MYO5C: variants seen among roughly 807,000 people sequenced by gnomAD.
MYO5C encodes myosin VC.
A neutral mutation model predicts 235.7 loss-of-function variants in MYO5C; 194 were observed. That is an observed-to-expected ratio of 0.82 (90% CI 0.73 to 0.93). The LOEUF (loss-of-function observed/expected upper bound fraction) is 0.93. Ranked by LOEUF, MYO5C falls within the 40% of genes least tolerant of loss-of-function variation. The pLI is 0.00. For missense variants in MYO5C, 2,038 were observed against 2,127.2 expected, an observed-to-expected ratio of 0.96 and a Z score of 0.82; for synonymous variants, 707 against 754.8, an observed-to-expected ratio of 0.94 and a Z score of 1.04.
chr15:52,202,665 A>G (rs1295350126), intron 38 of MYO5C, among the ~76,000 whole-genome samples: 3 of 152,154 alleles, frequency 2.0e-5, no homozygotes, highest in Non-Finnish European at 2.9e-5. Context: ...AACATAACTC[A>G]TTTCTCAATG....
intron 2 of MYO5C, among the ~76,000 whole-genome samples, 181 bp from the exon 3 acceptor site, chr15:52,279,855 G>A (rs1161401716): frequency 6.6e-6 from 1 of 152,168 alleles, no homozygotes. Context: ...AAAAGTAGGA[G>A]CAGGGGACTA....
chr15:52,244,250 T>C, intron 19 of MYO5C, 106 bp downstream of exon 19: 1 of 1,127,938 alleles, frequency 8.9e-7, no homozygotes, highest in East Asian at 2.4e-5. Context: ...GTCTGCACCC[T>C]GGGTCACAGG....
At chr15:52,211,959 A>C in intron 34 of MYO5C, 75 bp from the exon 35 acceptor site, 2 of 1,502,924 alleles carry the variant, frequency 1.3e-6, no homozygotes, top group South Asian at 1.3e-5. Flanking sequence ...GACTAGGGGC[A>C]GGGGCTTGTT....
intron 8 of MYO5C, among the ~76,000 whole-genome samples, chr15:52,264,846 C>T (rs1409387161): frequency 4.6e-5 from 7 of 152,152 alleles, no homozygotes; most frequent in East Asian, 1.9e-4. Flanking sequence ...GTTCCGAGTG[C>T]GTCCTCCCCA....
chr15:52,205,881 T>A lies in MYO5C; in HGVS notation c.4472A>T (p.Asp1491Val). The part of the protein sequence containing the change: ...DLSEYRQILS[D>V]VAIRIYHQFI... ...TTGATGATATATTCGTATAGCCACA[T>A]CACTGAGAATCTGTCTGTATTCTGA... Residue 1491 changes from aspartate (D) to valine (V), a missense_variant, in exon 37 of 41, where the codon GAT becomes GTT. Transcript: ENST00000261839. 1 of 1,595,660 alleles carries A rather than the reference T, an allele frequency of 6.3e-7. No homozygotes were observed. Among genetic ancestry groups the A allele is most frequent in the Admixed American group, 1.7e-5 (1 of 59,476 alleles).
chr15:52,275,831 C>T, intron 4 of MYO5C, 113 bp from the exon 5 acceptor site: 1 of 1,026,162 alleles, frequency 9.7e-7, no homozygotes, highest in Non-Finnish European at 1.4e-6. Context: ...TGTCACTCTA[C>T]TATTTTTAAA....
chr15:52,269,655 T>C, intron 8 of MYO5C, 98 bp downstream of exon 8: 1 of 744,118 alleles, frequency 1.3e-6, no homozygotes, highest in Non-Finnish European at 2.3e-6. Context: ...CCTCCCAAAG[T>C]GTTGGGATTA....
rs755779174 is a variant in MYO5C, at chr15:52,213,200, T to C, written c.4129A>G (p.Asn1377Asp). 4 of 1,613,910 alleles carry C rather than the reference T, an allele frequency of 2.5e-6. No homozygotes were observed. In the South Asian group the frequency reaches 3.3e-5, roughly 13 times the overall value. ...CAGGTTTCACTACCAAGAATGAGGT[T>C]CTGAATGAGCTTGGCCTCGTCTTCT... ...KREDEAKLIQNLILDLKPRGV... is the reference protein window; with the variant it reads ...KREDEAKLIQDLILDLKPRGV... Residue 1377 changes from asparagine to aspartate, a missense_variant, in exon 34 of 41, where the codon AAC (asparagine) becomes GAC (aspartate). Transcript: ENST00000261839.
At position 52,275,565 on chromosome 15, in the gene MYO5C, G is replaced by A. The variant is rs201556746; in HGVS notation, c.603C>T (p.Thr201=). 5.6e-6 allele frequency: 9 copies of A among 1,614,162 alleles called. No individual in the cohort carries two copies. In the East Asian group the frequency reaches 8.9e-5, roughly 16 times the overall value. ...TGCCTTCCGCAGTGGTACGCACCTC[G>A]GTGATGGGATTGGATGCCAGGACCT... ...EDKVLASNPI[T]EAVGNAKTTR... Residue 201 remains threonine (T), a synonymous_variant, in exon 5 of 41, where the codon ACC becomes ACT. Coordinates refer to ENST00000261839, the MANE Select transcript of MYO5C (RefSeq NM_018728.4).
intron 1 of MYO5C, among the ~76,000 whole-genome samples, chr15:52,284,900 C>T (rs1192937269): frequency 6.7e-6 from 1 of 149,722 alleles, no homozygotes; most frequent in Non-Finnish European, 1.5e-5. Flanking sequence ...AGTGCAGTGA[C>T]GTGATCACAG....
intron 29 of MYO5C, 127 bp from the exon 30 acceptor site, chr15:52,221,382 C>G (rs766467336): frequency 2.3e-5 from 15 of 643,594 alleles, no homozygotes; most frequent in Non-Finnish European, 3.9e-5. Flanking sequence ...AAAGAGCTAG[C>G]CACGACATTA....
chr15:52,281,633 GCA>G (rs1269479511), intron 2 of MYO5C, among the ~76,000 whole-genome samples: 2 of 152,208 alleles, frequency 1.3e-5, no homozygotes, highest in Non-Finnish European at 2.9e-5. Context: ...CTGGGACGGT[GCA>G]CAGTCATTAC....
chr15:52,232,597 C>A, intron 24 of MYO5C, 25 bp downstream of exon 24: 1 of 1,610,334 alleles, frequency 6.2e-7, no homozygotes, highest in Non-Finnish European at 8.5e-7. Flanking sequence ...AAGAAAGTAG[C>A]TTTAAGGCAA....
In MYO5C at chr15:52,279,009, A is replaced by G; in HGVS notation, c.313T>C (p.Leu105=). The G allele has an allele frequency of 6.2e-7, 1 of 1,612,378 alleles. No homozygotes were observed. The highest frequency in any genetic ancestry group is 8.5e-7 in the Non-Finnish European group (1 of 1,178,810). ...KLIYTYSGII[L]VAMNPYKQLP... ...TGCTTGTAAGGATTCATGGCCACCAAAATGATTCCTGGGGAAAGATGTTAG... is the reference window on the plus strand; with the variant it reads ...TGCTTGTAAGGATTCATGGCCACCAGAATGATTCCTGGGGAAAGATGTTAG... Residue 105 remains leucine, a synonymous_variant, in exon 4 of 41, where the codon TTG becomes CTG. Transcript: ENST00000261839.
chr15:52,282,747 A>T (rs760776912), intron 2 of MYO5C, 35 bp downstream of exon 2: 1 of 1,412,854 alleles, frequency 7.1e-7, no homozygotes, highest in South Asian at 1.1e-5. Flanking sequence ...ACCGCTTTAC[A>T]CATCGACGTA....
chr15:52,256,613 G>A (rs752420629), intron 11 of MYO5C, 26 bp downstream of exon 11: 4 of 1,531,490 alleles, frequency 2.6e-6, no homozygotes, highest in Non-Finnish European at 3.6e-6. Flanking sequence ...CTGAGAACTA[G>A]TCAAGAAGGC....
At chr15:52,292,628 GTCA>G (rs2037416136) in intron 1 of MYO5C, among the ~76,000 whole-genome samples, 2 of 152,228 alleles carry the variant, frequency 1.3e-5, no homozygotes. Context: ...AAAACGTTCA[GTCA>G]TGCACACAGG....
At chr15:52,284,967 A>T (rs1284214577) in intron 1 of MYO5C, among the ~76,000 whole-genome samples, 1 of 151,978 alleles carries the variant, frequency 6.6e-6, no homozygotes, top group Non-Finnish European at 1.5e-5. Flanking sequence ...AGCCTCCCAA[A>T]GTGCTAAGAT....
intron 29 of MYO5C, 31 bp from the exon 30 acceptor site, chr15:52,221,286 T>C (rs1248250339): frequency 6.9e-7 from 1 of 1,457,218 alleles, no homozygotes; most frequent in East Asian, 2.4e-5. Flanking sequence ...TATTAGAATA[T>C]AAAATACTTT....
Sources: gnomAD v4.1 joint callset for allele counts (sites outside exome capture counted in the v4.1 genomes callset) on GRCh38, gnomAD v4.1.1 for gene constraint, MANE v1.5 for transcripts, NCBI Gene and HGNC (gene_info 2026-07-23, HGNC 2026-07-21) for gene names.